DACH1: variants seen among roughly 807,000 people sequenced by gnomAD.
DACH1 encodes dachshund family transcription factor 1.
A neutral mutation model predicts 54.2 loss-of-function variants in DACH1; 12 were observed. The ratio of observed to expected loss-of-function variants is 0.22; its 90% CI spans 0.14 to 0.36. The LOEUF is 0.36. DACH1 is among the 10% of genes least tolerant of loss of function. DACH1 has a pLI of 1.00. For missense variants in DACH1, 805 were observed against 929.8 expected, an observed-to-expected ratio of 0.87 and a Z score of 1.75; for synonymous variants, 386 against 366.2, an observed-to-expected ratio of 1.05 and a Z score of -0.62.
chr13:71,817,799 T>C (rs921210228), intron 1 of DACH1, among the ~76,000 whole-genome samples: 1 of 145,070 alleles, frequency 6.9e-6, no homozygotes, highest in Admixed American at 7.2e-5. Flanking sequence ...ATTTTCTTTC[T>C]TTCTTTCTTT....
intron 1 of DACH1, among the ~76,000 whole-genome samples, chr13:71,855,524 A>G (rs965747544): frequency 6.6e-6 from 1 of 152,054 alleles, no homozygotes; most frequent in South Asian, 2.1e-4. Context: ...TAGTACAGAA[A>G]TGAAGCAAAC....
chr13:71,781,408 T>G (rs948821384), intron 1 of DACH1, among the ~76,000 whole-genome samples: 1 of 151,220 alleles, frequency 6.6e-6, no homozygotes, highest in Non-Finnish European at 1.5e-5. Flanking sequence ...AGACGGAGTC[T>G]AGCTCTGTCA....
chr13:71,469,883 C>T (rs1352784512), intron 10 of DACH1, among the ~76,000 whole-genome samples: 1 of 152,002 alleles, frequency 6.6e-6, no homozygotes, highest in Non-Finnish European at 1.5e-5. Context: ...GATCTAAGAT[C>T]AGTCAAAAAA....
At position 71,568,817 on chromosome 13, in the gene DACH1, T is replaced by A. The variant is rs191619351; in HGVS notation, c.1299+4023A>T. On this transcript the variant is annotated intron_variant, in intron 4 of 10. Transcript: ENST00000613252. ...ATGCTAAACAGAAAAAGTATATGGG[T>A]ATCATTGACACATAAGAAATTAATA... Among the ~76,000 whole-genome samples, 95 of 152,164 alleles carry A rather than the reference T, an allele frequency of 6.2e-4. 3 individuals carry two copies. Among genetic ancestry groups the A allele is most frequent in the Admixed American group, 6.1e-3 (93 of 15,272 alleles).
At chr13:71,717,504 T>TCACACACA (rs3221998) in intron 1 of DACH1, among the ~76,000 whole-genome samples, 4,325 of 142,822 alleles carry the variant, frequency 0.03, 223 homozygotes, top group African/African-American at 0.1. Context: ...GTGTGTGTAA[T>TCACACACA]CACACACACA....
intron 4 of DACH1, among the ~76,000 whole-genome samples, chr13:71,570,821 G>A (rs1885149524): frequency 6.6e-6 from 1 of 152,052 alleles, no homozygotes; most frequent in Non-Finnish European, 1.5e-5. Context: ...TTCTTCCAGA[G>A]GAAACTCAAC....
chr13:71,762,583 A>G (rs976360875), intron 1 of DACH1, among the ~76,000 whole-genome samples: 2 of 152,100 alleles, frequency 1.3e-5, no homozygotes, highest in South Asian at 2.1e-4. Flanking sequence ...CCTGACCAAC[A>G]TGGAGAAACC....
intron 6 of DACH1, among the ~76,000 whole-genome samples, chr13:71,551,255 A>G (rs1883798001): frequency 6.6e-6 from 1 of 152,106 alleles, no homozygotes; most frequent in Non-Finnish European, 1.5e-5. Context: ...TTAAAGACCA[A>G]ATCAGTAGAA....
intron 1 of DACH1, among the ~76,000 whole-genome samples, chr13:71,689,874 G>A (rs1881386679): frequency 6.6e-6 from 1 of 152,020 alleles, no homozygotes; most frequent in African/African-American, 2.4e-5. Flanking sequence ...AAGCTTCTAA[G>A]TCCTCTTCCC....
chr13:71,440,353 A>G lies in DACH1; in HGVS notation c.*302T>C. ...TTAGAAAAAAACAAAGCTAGGTCTTATTCAGACCTGCCTTTAACTCTGTAT... is the reference window on the plus strand; with the variant it reads ...TTAGAAAAAAACAAAGCTAGGTCTTGTTCAGACCTGCCTTTAACTCTGTAT... On this transcript the variant is annotated 3_prime_UTR_variant, in exon 11 of 11. Coordinates refer to ENST00000613252, the MANE Select transcript of DACH1 (RefSeq NM_080759.6). The G allele has an allele frequency of 3.7e-6, 1 of 273,448 alleles. No individual in the cohort carries two copies. The highest frequency in any genetic ancestry group is 6.8e-6 in the Non-Finnish European group (1 of 147,398). The allele number at this position is 273,448 out of a possible 1,614,324, so 16.9% of individuals were successfully genotyped here. A position where few individuals can be genotyped will look rare whatever the true frequency, so the allele number is the denominator to read the frequency against.
At chr13:71,505,151 C>T (rs1050189344) in intron 6 of DACH1, among the ~76,000 whole-genome samples, 1 of 152,014 alleles carries the variant, frequency 6.6e-6, no homozygotes, top group African/African-American at 2.4e-5. Context: ...GGCAAGATCT[C>T]GGTTCACTGC....
intron 1 of DACH1, among the ~76,000 whole-genome samples, chr13:71,838,328 C>G (rs74857192): frequency 0.069 from 10,473 of 152,156 alleles, 422 homozygotes; most frequent in East Asian, 0.1. Flanking sequence ...AAAAGGAGTT[C>G]AGTGAGAACA....
intron 1 of DACH1, among the ~76,000 whole-genome samples, chr13:71,738,301 G>C (rs1055460328): frequency 9.2e-5 from 14 of 151,952 alleles, no homozygotes; most frequent in African/African-American, 3.4e-4. Context: ...GAGGAGAGAG[G>C]GGAATTTTGT....
chr13:71,744,445 T>C (rs1170599952), intron 1 of DACH1, among the ~76,000 whole-genome samples: 3 of 152,186 alleles, frequency 2.0e-5, no homozygotes, highest in Non-Finnish European at 4.4e-5. Context: ...TATGGTGATA[T>C]CCTGCCTGGA....
chr13:71,722,521 ATAATAC>A (rs1299902870), intron 1 of DACH1, among the ~76,000 whole-genome samples: 1 of 152,194 alleles, frequency 6.6e-6, no homozygotes, highest in Non-Finnish European at 1.5e-5. Flanking sequence ...CTTCCGGATA[ATAATAC>A]TTGAAAACTA....
In DACH1 at chr13:71,866,191, C is replaced by G; in HGVS notation, c.579G>C (p.Leu193=). The change falls in exon 1 of 11, where the codon CTG becomes CTC. Residue 193 remains leucine, a synonymous_variant. Coordinates refer to ENST00000613252, the MANE Select transcript of DACH1 (RefSeq NM_080759.6). ...PQNNECKMVD[L]RGAKVASFTV... ...TGAAGGAAGCCACTTTGGCCCCCCT[C>G]AGATCCACCATTTTGCACTCATTAT... 1 of 1,613,006 alleles carries G rather than the reference C, an allele frequency of 6.2e-7. No individual in the cohort carries two copies.
In DACH1 at chr13:71,439,807, G is replaced by A. The variant is rs1039763486; in HGVS notation, c.*848C>T. The A allele has an allele frequency of 2.6e-5, 4 of 152,330 alleles. No individual in the cohort carries two copies. The highest frequency in any genetic ancestry group is 4.8e-5 in the African/African-American group (2 of 41,378). The allele number at this position is 152,330 out of a possible 1,614,324, so 9.4% of individuals were successfully genotyped here. On this transcript the variant is annotated 3_prime_UTR_variant, in exon 11 of 11. Transcript: ENST00000613252. ...TTTTCCTAAACTCTAGTATACTACT[G>A]CATACATAATACCTTCCTTGTGTGT...
intron 6 of DACH1, among the ~76,000 whole-genome samples, chr13:71,529,782 T>C (rs1882291323): frequency 1.3e-5 from 2 of 152,214 alleles, no homozygotes; most frequent in Admixed American, 1.3e-4. Context: ...TCCATGTTGT[T>C]TGTGAATATT....
At chr13:71,681,219 A>G (rs1880879043) in intron 2 of DACH1, among the ~76,000 whole-genome samples, 1 of 152,138 alleles carries the variant, frequency 6.6e-6, no homozygotes, top group Non-Finnish European at 1.5e-5. Flanking sequence ...GCATTATGAA[A>G]TTTCTTTATG....
Sources: gnomAD v4.1 joint callset for allele counts (sites outside exome capture counted in the v4.1 genomes callset) on GRCh38, gnomAD v4.1.1 for gene constraint, MANE v1.5 for transcripts, NCBI Gene and HGNC (gene_info 2026-07-23, HGNC 2026-07-21) for gene names.